The following PITPNB variants were observed in gnomAD, a reference collection of about 807,000 sequenced individuals.
PITPNB encodes phosphatidylinositol transfer protein beta isoform.
A neutral mutation model predicts 45.9 loss-of-function variants in PITPNB; 16 were observed. The observed-to-expected ratio is 0.35, with a 90% CI of 0.24 to 0.53. The LOEUF (loss-of-function observed/expected upper bound fraction) is 0.53. PITPNB is among the 20% of genes least tolerant of loss of function. PITPNB has a pLI of 0.93. For missense variants in PITPNB, 188 were observed against 330.5 expected (o/e 0.57, Z 3.34); for synonymous variants, 112 against 108.9 (o/e 1.03, Z -0.18).
chr22:27,916,576 G>A (rs56156048), intron 1 of PITPNB, among the ~76,000 whole-genome samples: 23,108 of 152,128 alleles, frequency 0.15, 2,084 homozygotes, highest in Admixed American at 0.31. Context: ...CTTAGTGGGC[G>A]GATCACCTGA....
chr22:27,880,625 G>T (rs1021263540), intron 7 of PITPNB, among the ~76,000 whole-genome samples: 1 of 151,426 alleles, frequency 6.6e-6, no homozygotes, highest in Non-Finnish European at 1.5e-5. Context: ...TGTACACACC[G>T]ATTTTTTTTT....
intron 2 of PITPNB, among the ~76,000 whole-genome samples, chr22:27,911,637 A>C (rs1467398274): frequency 1.3e-5 from 2 of 152,158 alleles, no homozygotes; most frequent in Non-Finnish European, 2.9e-5. Flanking sequence ...AGATAGTCCA[A>C]ATCTTAGTAG....
intron 8 of PITPNB, among the ~76,000 whole-genome samples, chr22:27,870,170 C>T (rs1569009843): frequency 6.6e-6 from 1 of 152,178 alleles, no homozygotes; most frequent in East Asian, 1.9e-4. Context: ...GCTGTTTCTC[C>T]TACAACTATT....
At chr22:27,859,360 G>A (rs888883190) in intron 9 of PITPNB, among the ~76,000 whole-genome samples, 4 of 152,138 alleles carry the variant, frequency 2.6e-5, no homozygotes, top group African/African-American at 9.7e-5. Flanking sequence ...AGCAGCTATA[G>A]TTTAAAAATA....
chr22:27,907,715 C>G (rs1185219592), intron 3 of PITPNB, among the ~76,000 whole-genome samples: 3 of 152,076 alleles, frequency 2.0e-5, no homozygotes, highest in African/African-American at 7.2e-5. Flanking sequence ...CATGGGAGTG[C>G]CTTGTATTCA....
intron 7 of PITPNB, among the ~76,000 whole-genome samples, chr22:27,882,577 G>T (rs1935003412): frequency 6.6e-6 from 1 of 152,194 alleles, no homozygotes; most frequent in Non-Finnish European, 1.5e-5. Context: ...CTACAAAGCT[G>T]CTCAGAAACA....
chr22:27,869,632 A>G (rs1934592600), intron 8 of PITPNB, among the ~76,000 whole-genome samples: 1 of 152,196 alleles, frequency 6.6e-6, no homozygotes, highest in South Asian at 2.1e-4. Flanking sequence ...TGAATACTAG[A>G]CAGATAAGAA....
intron 1 of PITPNB, among the ~76,000 whole-genome samples, chr22:27,918,446 G>A (rs1936151990): frequency 6.6e-6 from 1 of 152,208 alleles, no homozygotes; most frequent in Non-Finnish European, 1.5e-5. Flanking sequence ...AGTAGGAAAA[G>A]CCGTGACTTT....
At chr22:27,903,467 C>CA (rs71194750) in intron 3 of PITPNB, among the ~76,000 whole-genome samples, 18,739 of 81,060 alleles carry the variant, frequency 0.23, 1,558 homozygotes, top group East Asian at 0.32. Context: ...GAAACTGTCT[C>CA]AAAAAAAAAA....
At position 27,875,760 on chromosome 22, in the gene PITPNB, T is replaced by C. The variant is rs147339330; in HGVS notation, c.457-1945A>G. On this transcript the variant is annotated intron_variant, in intron 7 of 11. Coordinates refer to ENST00000335272, the MANE Select transcript of PITPNB (RefSeq NM_012399.5). Reference sequence around the variant, plus strand: ...TAGAAGGTAGCACACCAGACGTTATTAGTAAGAGGTAATTCAAGGAAACAG... The same window carrying C: ...TAGAAGGTAGCACACCAGACGTTATCAGTAAGAGGTAATTCAAGGAAACAG... 6.9e-3 allele frequency among the ~76,000 whole-genome samples: 1,048 copies of C among 152,230 alleles called. 12 individuals carry two copies. The highest frequency in any genetic ancestry group is 0.024 in the African/African-American group (1,011 of 41,522).
intron 3 of PITPNB, among the ~76,000 whole-genome samples, chr22:27,901,917 T>A (rs1222691816): frequency 1.3e-5 from 2 of 151,732 alleles, no homozygotes; most frequent in African/African-American, 4.8e-5. Context: ...TATACCTACA[T>A]ACATAAAATA....
intron 8 of PITPNB, among the ~76,000 whole-genome samples, chr22:27,867,283 T>G (rs1012830516): frequency 1.3e-5 from 2 of 151,818 alleles, no homozygotes; most frequent in African/African-American, 2.4e-5. Flanking sequence ...GGGGAATACA[T>G]AAACCACCAC....
intron 6 of PITPNB, 60 bp from the exon 7 acceptor site, chr22:27,894,698 A>G: frequency 2.1e-6 from 2 of 940,236 alleles, no homozygotes; most frequent in South Asian, 1.4e-5. Context: ...TTATGCTTAC[A>G]CATATAATCT....
intron 6 of PITPNB, 32 bp downstream of exon 6, chr22:27,896,519 CT>C (rs540652485): frequency 5.6e-6 from 8 of 1,431,176 alleles, no homozygotes; most frequent in Non-Finnish European, 7.9e-6. Context: ...TTTCCAGGGA[CT>C]TTTGTACTAA....
In PITPNB at chr22:27,860,112, C is replaced by T. The variant is rs1183872603; in HGVS notation, c.645+19G>A. The T allele has an allele frequency of 4.9e-6, 7 of 1,428,658 alleles. No individual in the cohort carries two copies. The highest frequency in any genetic ancestry group is 5.9e-6 in the Non-Finnish European group (6 of 1,011,442). 88.5% of individuals were successfully genotyped at this position (1,428,658 alleles called of 1,614,324 possible). A position where few individuals can be genotyped will look rare whatever the true frequency, so the allele number is the denominator to read the frequency against. On this transcript the variant is annotated intron_variant, in intron 9 of 11. Coordinates refer to ENST00000335272, the MANE Select transcript of PITPNB (RefSeq NM_012399.5). The stretch of plus-strand genomic sequence containing the variant: ...ATCTCATCCTAAATCTAAGTCACCA[C>T]ATTTTGAGCAGATTTTACCTTTTGA...
chr22:27,894,801 A>G (rs184243163), intron 6 of PITPNB, among the ~76,000 whole-genome samples, 163 bp from the exon 7 acceptor site: 1 of 152,274 alleles, frequency 6.6e-6, no homozygotes, highest in Admixed American at 6.5e-5. Flanking sequence ...GCAGGATCTA[A>G]AAGTCTTTTA....
At chr22:27,861,503 C>T (rs989486167) in intron 8 of PITPNB, among the ~76,000 whole-genome samples, 5 of 152,112 alleles carry the variant, frequency 3.3e-5, no homozygotes, top group Admixed American at 3.3e-4. Flanking sequence ...CTTAAATATA[C>T]AGGTCCACTT....
chr22:27,858,396 T>A lies in PITPNB; in HGVS notation c.759A>T (p.Glu253Asp). ...GAACAGCCAGTCTTACTGTTTCTAG[T>A]TCTTTCTGAGTCTCGTCTTCCATTC... ...IRRMEDETQK[E>D]LETMRKRGSV... Residue 253 changes from glutamate (E) to aspartate (D), a missense_variant, in exon 10 of 12, where the codon GAA becomes GAT. Transcript: ENST00000335272. The A allele has an allele frequency of 6.2e-7, 1 of 1,606,970 alleles. No individual in the cohort carries two copies. Among genetic ancestry groups the A allele is most frequent in the Non-Finnish European group, 8.5e-7 (1 of 1,177,114 alleles).
At chr22:27,864,746 T>TCAAGA in intron 8 of PITPNB, among the ~76,000 whole-genome samples, 1 of 152,160 alleles carries the variant, frequency 6.6e-6, no homozygotes, top group East Asian at 1.9e-4. Context: ...TAAATCAGCC[T>TCAAGA]GGCCAACATG....
Sources: gnomAD v4.1 joint callset for allele counts (sites outside exome capture counted in the v4.1 genomes callset) on GRCh38, gnomAD v4.1.1 for gene constraint, MANE v1.5 for transcripts, NCBI Gene and HGNC (gene_info 2026-07-23, HGNC 2026-07-21) for gene names.